PCCA: variants seen among roughly 807,000 people sequenced by gnomAD.
The protein encoded by PCCA is propionyl-CoA carboxylase alpha chain, mitochondrial.
Under a neutral mutation model 101.3 loss-of-function variants are expected in PCCA, and 74 were observed. That is an observed-to-expected ratio of 0.73 (90% CI 0.61 to 0.89). The LOEUF is 0.89. Among genes scored for constraint, PCCA ranks in the 40% least tolerant of loss-of-function variants. PCCA has a pLI of 0.00. For missense variants in PCCA, 891 were observed against 907.0 expected, an observed-to-expected ratio of 0.98 and a Z score of 0.23; for synonymous variants, 294 against 313.6, an observed-to-expected ratio of 0.94 and a Z score of 0.66.
chr13:100,118,215 A>G (rs1442551146), intron 4 of PCCA, among the ~76,000 whole-genome samples: 1 of 152,138 alleles, frequency 6.6e-6, no homozygotes, highest in Non-Finnish European at 1.5e-5. Flanking sequence ...ATGGTTTTCT[A>G]CATATCTATA....
chr13:100,393,511 C>T (rs189514528), intron 19 of PCCA, among the ~76,000 whole-genome samples: 6 of 151,440 alleles, frequency 4.0e-5, no homozygotes, highest in East Asian at 1.9e-4. Context: ...CTCTGCCTCC[C>T]GGGTTCAAGC....
At chr13:100,100,988 A>G (rs1476369639) in intron 1 of PCCA, among the ~76,000 whole-genome samples, 1 of 152,096 alleles carries the variant, frequency 6.6e-6, no homozygotes, top group Non-Finnish European at 1.5e-5. Context: ...TTTTTAGTAG[A>G]GATGGGGTTT....
rs763331038 is a variant in PCCA at position 100,400,627 on chromosome 13, G to GTTTTTTTTTTTTTT, written c.1747-25004_1747-25003insTTTTTTTTTTTTTT. Among the ~76,000 whole-genome samples, 34 of 80,206 alleles carry GTTTTTTTTTTTTTT rather than the reference G, an allele frequency of 4.2e-4. 2 individuals carry two copies. Among genetic ancestry groups the GTTTTTTTTTTTTTT allele is most frequent in the African/African-American group, 1.2e-3 (18 of 15,404 alleles). The allele number at this position is 80,206 out of a possible 152,430, so 52.6% of individuals were successfully genotyped here. On this transcript the variant is annotated intron_variant, in intron 19 of 23. Coordinates refer to ENST00000376285, the MANE Select transcript of PCCA (RefSeq NM_000282.4). ...TGATGATTGATCTTAGTTCTTTTTA[G>GTTTTTTTTTTTTTT]TTCTTTTTTTTTTTTTTTTTGAGAG...
At chr13:100,408,027 C>T (rs958104147) in intron 19 of PCCA, among the ~76,000 whole-genome samples, 7 of 152,106 alleles carry the variant, frequency 4.6e-5, no homozygotes, top group Non-Finnish European at 1.0e-4. Context: ...TGGCGGGCGC[C>T]TGTTATCCCA....
intron 4 of PCCA, chr13:100,154,434 A>G (rs1216075678): frequency 6.4e-6 from 1 of 155,898 alleles, no homozygotes; most frequent in Non-Finnish European, 1.4e-5. Context: ...GAGTATTTAA[A>G]TGATTCTCAA....
intron 4 of PCCA, among the ~76,000 whole-genome samples, chr13:100,114,192 G>A (rs745623904): frequency 3.3e-5 from 5 of 152,024 alleles, no homozygotes; most frequent in Non-Finnish European, 5.9e-5. Flanking sequence ...GAAGATATTT[G>A]CAAACTACCC....
At position 100,434,871 on chromosome 13, in the gene PCCA, T is replaced by C. The variant is rs527488641; in HGVS notation, c.1845+9140T>C. ...CAGAGTTCAGCCTTAAATTCTAAGC[T>C]TAAGAATTCGACCTCCTCAAATTAA... On this transcript the variant is annotated intron_variant, in intron 20 of 23. Coordinates refer to ENST00000376285, the MANE Select transcript of PCCA (RefSeq NM_000282.4). Among the ~76,000 whole-genome samples the C allele has an allele frequency of 2.0e-5, 3 of 152,328 alleles. No homozygotes were observed. In the South Asian group the frequency reaches 6.2e-4, roughly 32 times the overall value.
chr13:100,241,020 C>G (rs1234965446), intron 8 of PCCA, among the ~76,000 whole-genome samples: 3 of 152,124 alleles, frequency 2.0e-5, no homozygotes, highest in Non-Finnish European at 4.4e-5. Context: ...CAAGTCAGTT[C>G]TCGCCTACCC....
chr13:100,310,529 C>T (rs1225242331), intron 16 of PCCA, among the ~76,000 whole-genome samples: 1 of 152,000 alleles, frequency 6.6e-6, no homozygotes, highest in Admixed American at 6.6e-5. Flanking sequence ...TGATATAATA[C>T]GACATAGGGG....
At chr13:100,494,608 G>A (rs140564965) in intron 21 of PCCA, among the ~76,000 whole-genome samples, 2,865 of 152,092 alleles carry the variant, frequency 0.019, 98 homozygotes, top group African/African-American at 0.066. Context: ...GGTTTAACCC[G>A]GGAGGCGGAG....
chr13:100,115,010 A>T (rs2048670996), intron 4 of PCCA, among the ~76,000 whole-genome samples: 1 of 152,348 alleles, frequency 6.6e-6, no homozygotes, highest in South Asian at 2.1e-4. Flanking sequence ...CACAATAGCC[A>T]AGATTTGGAG....
chr13:100,530,280 T>C lies in PCCA; in HGVS notation c.*114T>C. On this transcript the variant is annotated 3_prime_UTR_variant, in exon 24 of 24. Coordinates refer to ENST00000376285, the MANE Select transcript of PCCA (RefSeq NM_000282.4). ...ACACCCCTGTGCAGCTACGTTTACG[T>C]CGTCATTTATTCCACAGAGTCAAGA... The C allele has an allele frequency of 1.2e-6, 1 of 853,598 alleles. No homozygotes were observed. The allele number at this position is 853,598 out of a possible 1,614,324, so 52.9% of individuals were successfully genotyped here.
intron 19 of PCCA, among the ~76,000 whole-genome samples, chr13:100,401,601 G>A (rs1486939791): frequency 6.6e-6 from 1 of 151,922 alleles, no homozygotes; most frequent in Non-Finnish European, 1.5e-5. Context: ...GCCTTCATGA[G>A]TGAATGTAGC....
At chr13:100,464,632 A>G (rs1332643109) in intron 21 of PCCA, 1 of 152,166 alleles carries the variant, frequency 6.6e-6, no homozygotes, top group African/African-American at 2.4e-5. Flanking sequence ...AATTTGTGTT[A>G]ATCCCCTGGT....
chr13:100,201,350 T>C (rs942284347), intron 6 of PCCA, among the ~76,000 whole-genome samples: 12 of 152,166 alleles, frequency 7.9e-5, no homozygotes, highest in Admixed American at 3.9e-4. Context: ...AGGGGAAATA[T>C]TTTTGGCTTT....
At chr13:100,505,589 G>T (rs776800058) in intron 21 of PCCA, among the ~76,000 whole-genome samples, 2 of 152,196 alleles carry the variant, frequency 1.3e-5, no homozygotes, top group Admixed American at 6.5e-5. Context: ...TGTCAGTCTG[G>T]TGCAGTGACT....
rs111871236 is a variant in PCCA at position 100,361,747 on chromosome 13, C to G, written c.1644-6725C>G. The stretch of plus-strand genomic sequence containing the variant: ...GCCTGGCTAGAATTAGAAAGACTGA[C>G]AATGCCAAATGGTGGCAAGGATGTA... On this transcript the variant is annotated intron_variant, in intron 18 of 23. Coordinates refer to ENST00000376285, the MANE Select transcript of PCCA (RefSeq NM_000282.4). Among the ~76,000 whole-genome samples, 638 of 152,232 alleles carry G rather than the reference C, an allele frequency of 4.2e-3. 6 individuals are homozygous for G. Among genetic ancestry groups the G allele is most frequent in the African/African-American group, 0.015 (604 of 41,542 alleles).
At chr13:100,366,323 C>T (rs1320312557) in intron 18 of PCCA, among the ~76,000 whole-genome samples, 1 of 152,132 alleles carries the variant, frequency 6.6e-6, no homozygotes, top group Non-Finnish European at 1.5e-5. Flanking sequence ...CCTGTCACAC[C>T]TGTGCTCTTG....
At chr13:100,256,555 C>T (rs897681227) in intron 8 of PCCA, among the ~76,000 whole-genome samples, 3 of 152,126 alleles carry the variant, frequency 2.0e-5, no homozygotes, top group Non-Finnish European at 4.4e-5. Flanking sequence ...AATTATAAAA[C>T]GCTTAGGAAG....
Sources: allele counts gnomAD v4.1 joint callset (sites outside exome capture counted in the v4.1 genomes callset), GRCh38; gene constraint gnomAD v4.1.1; transcripts MANE v1.5; gene names NCBI Gene and HGNC (gene_info 2026-07-23, HGNC 2026-07-21).